The following PHF21A variants were observed in gnomAD, a reference collection of about 807,000 sequenced individuals.
PHF21A encodes BHC80a.
In PHF21A, 11 loss-of-function variants were observed where a neutral mutation model predicts 82.5. The ratio of observed to expected loss-of-function variants is 0.13; its 90% CI spans 0.08 to 0.22. The LOEUF is 0.22. PHF21A is among the 10% of genes least tolerant of loss of function. The probability of loss-of-function intolerance (pLI) is 1.00; values close to 1 mark genes in which losing one functional copy is unlikely to be tolerated. For missense variants in PHF21A, 579 were observed against 837.8 expected, an observed-to-expected ratio of 0.69 and a Z score of 3.81; for synonymous variants, 297 against 302.8, an observed-to-expected ratio of 0.98 and a Z score of 0.20.
intron 1 of PHF21A, among the ~76,000 whole-genome samples, chr11:46,120,123 A>ACACACT (rs1156901991): frequency 6.7e-6 from 1 of 149,762 alleles, no homozygotes; most frequent in Non-Finnish European, 1.5e-5. Flanking sequence ...AAATGCACCA[A>ACACACT]CACACTCACA....
intron 6 of PHF21A, among the ~76,000 whole-genome samples, chr11:46,000,425 C>T (rs933785897): frequency 6.6e-6 from 1 of 152,146 alleles, no homozygotes; most frequent in African/African-American, 2.4e-5. Flanking sequence ...TGACCATTAG[C>T]TGCGATATGG....
intron 9 of PHF21A, among the ~76,000 whole-genome samples, chr11:45,967,403 A>C (rs1026732596): frequency 6.6e-6 from 1 of 152,130 alleles, no homozygotes; most frequent in Non-Finnish European, 1.5e-5. Flanking sequence ...TGCTAAATCA[A>C]ATCTGGATGG....
At chr11:45,949,101 G>A (rs1223879931) in intron 13 of PHF21A, among the ~76,000 whole-genome samples, 155 bp from the exon 14 acceptor site, 1 of 152,202 alleles carries the variant, frequency 6.6e-6, no homozygotes, top group Non-Finnish European at 1.5e-5. Flanking sequence ...TTTATTGTAT[G>A]TACTTGGCTC....
intron 4 of PHF21A, among the ~76,000 whole-genome samples, chr11:46,080,819 CA>C (rs1204634602): frequency 1.3e-5 from 2 of 152,016 alleles, no homozygotes; most frequent in African/African-American, 4.8e-5. Context: ...AGGTGCACAC[CA>C]CCATATCCAG....
chr11:45,969,971 T>TTA, intron 8 of PHF21A, 67 bp from the exon 9 acceptor site: 1 of 987,764 alleles, frequency 1.0e-6, no homozygotes. Context: ...GCTAGTATTT[T>TTA]TAGCATCACT....
At chr11:46,095,179 G>C (rs928219940) in intron 1 of PHF21A, among the ~76,000 whole-genome samples, 1 of 51,324 alleles carries the variant, frequency 1.9e-5, no homozygotes, top group Non-Finnish European at 4.4e-5. Context: ...ACTACCATTT[G>C]GAAATTGTCA....
At chr11:45,938,116 G>GTTC (rs1172807951) in intron 16 of PHF21A, 41 bp downstream of exon 16, 1 of 1,485,802 alleles carries the variant, frequency 6.7e-7, no homozygotes, top group African/African-American at 1.4e-5. Flanking sequence ...CCGTGTCTTT[G>GTTC]TCCTCCTCGG....
intron 7 of PHF21A, among the ~76,000 whole-genome samples, chr11:45,973,941 C>G (rs1334899568): frequency 1.3e-5 from 2 of 152,196 alleles, no homozygotes; most frequent in African/African-American, 4.8e-5. Context: ...TTTTGAATAA[C>G]TCTAAACTGA....
intron 6 of PHF21A, among the ~76,000 whole-genome samples, chr11:46,030,380 A>C (rs181470648): frequency 2.6e-5 from 4 of 152,334 alleles, no homozygotes; most frequent in Admixed American, 2.6e-4. Context: ...TTACCAAATG[A>C]TTTGCCCAGG....
intron 6 of PHF21A, among the ~76,000 whole-genome samples, chr11:46,056,921 CT>C (rs1227687101): frequency 3.3e-5 from 5 of 151,866 alleles, no homozygotes; most frequent in African/African-American, 1.2e-4. Flanking sequence ...GTACTTTTTG[CT>C]TATCTATTTT....
At position 45,936,483 on chromosome 11, in the gene PHF21A, T is replaced by C; in HGVS notation, c.1684+11A>G. On this transcript the variant is annotated intron_variant, in intron 17 of 18. Transcript: ENST00000676320. ...AAGCTTACAAAAAAGTGGGTATGGA[T>C]AACTCCTTACCTGCTTTGTAGGCAA... 6.4e-7 allele frequency: 1 copy of C among 1,570,200 alleles called. No homozygotes were observed.
intron 11 of PHF21A, among the ~76,000 whole-genome samples, chr11:45,951,316 T>C (rs551965381): frequency 6.6e-6 from 1 of 152,390 alleles, no homozygotes; most frequent in East Asian, 1.9e-4. Context: ...CTCGATATTA[T>C]CCTACTTTGG....
Position 45,948,764 on chromosome 11 carries a change from C to T in PHF21A, c.1288+122G>A. The T allele has an allele frequency of 3.9e-6, 3 of 769,302 alleles. No individual in the cohort carries two copies. The South Asian group carries it at 4.4e-5, about 11-fold the overall frequency. 47.7% of individuals were successfully genotyped at this position (769,302 alleles called of 1,614,324 possible). ...CTCTCCCATTCTCAGAGAACAACAACAAAACTATTTTCAAAGGATAGAGGA... is the reference window on the plus strand; with the variant it reads ...CTCTCCCATTCTCAGAGAACAACAATAAAACTATTTTCAAAGGATAGAGGA... On this transcript the variant is annotated intron_variant, in intron 14 of 18. Transcript: ENST00000676320.
intron 15 of PHF21A, among the ~76,000 whole-genome samples, chr11:45,941,332 T>G (rs1162331907): frequency 6.6e-6 from 1 of 152,172 alleles, no homozygotes. Flanking sequence ...CTTTCAATTC[T>G]GAATTACAGA....
chr11:46,092,775 T>G (rs2096940842), intron 1 of PHF21A, among the ~76,000 whole-genome samples: 1 of 151,216 alleles, frequency 6.6e-6, no homozygotes, highest in African/African-American at 2.4e-5. Context: ...TTTTTTTTTT[T>G]GAAACAATGT....
chr11:46,080,325 A>G (rs1203807175), intron 4 of PHF21A, among the ~76,000 whole-genome samples: 1 of 151,494 alleles, frequency 6.6e-6, no homozygotes, highest in Non-Finnish European at 1.5e-5. Flanking sequence ...CACCTGGTTA[A>G]TTTTTTAATT....
At chr11:46,030,750 GT>G (rs1013433710) in intron 6 of PHF21A, among the ~76,000 whole-genome samples, 5 of 149,028 alleles carry the variant, frequency 3.4e-5, no homozygotes, top group South Asian at 4.2e-4. Context: ...ATTTACTTCA[GT>G]TTTTTTTTAA....
At chr11:46,085,334 T>C (rs2096843746) in intron 3 of PHF21A, among the ~76,000 whole-genome samples, 1 of 152,184 alleles carries the variant, frequency 6.6e-6, no homozygotes, top group Non-Finnish European at 1.5e-5. Context: ...TGACTATACA[T>C]ATAATGGCAT....
At chr11:45,948,784 A>G in intron 14 of PHF21A, 102 bp downstream of exon 14, 1 of 820,970 alleles carries the variant, frequency 1.2e-6, no homozygotes, top group Non-Finnish European at 2.2e-6. Flanking sequence ...TTCAAAGGAT[A>G]GAGGAGTTAG....
Sources: gnomAD v4.1 joint callset for allele counts (sites outside exome capture counted in the v4.1 genomes callset) on GRCh38, gnomAD v4.1.1 for gene constraint, MANE v1.5 for transcripts, NCBI Gene and HGNC (gene_info 2026-07-23, HGNC 2026-07-21) for gene names.